The following SMAD7 variants were observed in gnomAD, a reference collection of about 807,000 sequenced individuals.
SMAD7 encodes SMAD family member 7, also known as MAD (mothers against decapentaplegic, Drosophila) homolog 7.
A neutral mutation model predicts 38.7 loss-of-function variants in SMAD7; 8 were observed. The ratio of observed to expected loss-of-function variants is 0.21; its 90% CI spans 0.12 to 0.37. The LOEUF (loss-of-function observed/expected upper bound fraction) is 0.37, where lower values mean the gene tolerates loss of function less well. Among genes scored for constraint, SMAD7 ranks in the 10% least tolerant of loss-of-function variants. The probability of loss-of-function intolerance (pLI) is 1.00; values close to 1 mark genes in which losing one functional copy is unlikely to be tolerated. For synonymous variants in SMAD7, 327 were observed against 265.1 expected (o/e 1.23, Z -2.27); for missense variants, 477 against 577.9 (o/e 0.83, Z 1.79).
chr18:48,944,233 C>G (rs894390061), intron 2 of SMAD7, among the ~76,000 whole-genome samples: 1 of 152,148 alleles, frequency 6.6e-6, no homozygotes, highest in Non-Finnish European at 1.5e-5. Flanking sequence ...ATGGAAGACA[C>G]CCCCACATTA....
chr18:48,950,462 C>T lies in SMAD7; in HGVS notation c.-38G>A. 1 of 1,531,354 alleles carries T rather than the reference C, an allele frequency of 6.5e-7. No homozygotes were observed. Among genetic ancestry groups the T allele is most frequent in the Non-Finnish European group, 8.8e-7 (1 of 1,140,378 alleles). The allele number at this position is 1,531,354 out of a possible 1,614,324, so 94.9% of individuals were successfully genotyped here. On this transcript the variant is annotated 5_prime_UTR_variant, in exon 1 of 4. The change abolishes the stop of an existing upstream ORF in the 5' untranslated region. Transcript: ENST00000262158. ...GGCGAGGAGAAAAGTCGTTTGCCTG[C>T]TAAGGAGCGAACATGACCTCCGCAC...
intron 2 of SMAD7, among the ~76,000 whole-genome samples, chr18:48,948,116 C>T (rs1459184648): frequency 1.3e-5 from 2 of 152,050 alleles, no homozygotes; most frequent in African/African-American, 2.4e-5. Flanking sequence ...CTAAAGCTTC[C>T]ACGTGTTAAA....
chr18:48,950,208 G>A lies in SMAD7; in HGVS notation c.217C>T (p.His73Tyr). Residue 73 changes from histidine (H) to tyrosine (Y), a missense_variant, in exon 1 of 4, where the codon CAC becomes TAC. This residue lies in a region of SMAD7 where 376 missense variants were observed against 379.4 expected (regional missense o/e 0.99). Coordinates refer to ENST00000262158, the MANE Select transcript of SMAD7 (RefSeq NM_005904.4). ...GKAVRGAKGH[H>Y]HPHPPAAGAG... ...CCCGCGGCTGGCGGGTGGGGATGGTGGTGACCTTTGGCACCTCGCACCGCC... is the reference window on the plus strand; with the variant it reads ...CCCGCGGCTGGCGGGTGGGGATGGTAGTGACCTTTGGCACCTCGCACCGCC... The A allele has an allele frequency of 6.7e-7, 1 of 1,497,494 alleles. No individual in the cohort carries two copies. Among genetic ancestry groups the A allele is most frequent in the Non-Finnish European group, 8.9e-7 (1 of 1,128,428 alleles). 92.8% of individuals were successfully genotyped at this position (1,497,494 alleles called of 1,614,324 possible). A position where few individuals can be genotyped will look rare whatever the true frequency, so the allele number is the denominator to read the frequency against.
intron 1 of SMAD7, among the ~76,000 whole-genome samples, chr18:48,948,947 G>A (rs1460218610): frequency 6.6e-6 from 1 of 152,254 alleles, no homozygotes; most frequent in Non-Finnish European, 1.5e-5. Context: ...ATCTGCGGGC[G>A]CCCGGGGTGA....
chr18:48,921,250 A>C lies in SMAD7; in HGVS notation c.*122T>G, dbSNP rs992388714. On this transcript the variant is annotated 3_prime_UTR_variant, in exon 4 of 4. Coordinates refer to ENST00000262158, the MANE Select transcript of SMAD7 (RefSeq NM_005904.4). The surrounding 1 kb of genome is among the most constrained non-coding windows in gnomAD (Gnocchi z 6.4). ...GACGAGAAGAAGAAAACCAACCAAC[A>C]AACAAAAAAAAAACGACCAAAGAGT... The C allele has an allele frequency of 1.8e-5, 16 of 892,244 alleles. No homozygotes were observed. In the African/African-American group the frequency reaches 1.8e-4, roughly 10 times the overall value. 55.3% of individuals were successfully genotyped at this position (892,244 alleles called of 1,614,324 possible). A position where few individuals can be genotyped will look rare whatever the true frequency, so the allele number is the denominator to read the frequency against.
rs777549715 is a variant in SMAD7, at chr18:48,921,962, C to G, written c.743-52G>C. The G allele has an allele frequency of 6.9e-7, 1 of 1,451,056 alleles. No homozygotes were observed. Among genetic ancestry groups the G allele is most frequent in the Admixed American group, 2.1e-5 (1 of 47,944 alleles). The allele number at this position is 1,451,056 out of a possible 1,614,324, so 89.9% of individuals were successfully genotyped here. A position where few individuals can be genotyped will look rare whatever the true frequency, so the allele number is the denominator to read the frequency against. On this transcript the variant is annotated intron_variant, in intron 3 of 3. Coordinates refer to ENST00000262158, the MANE Select transcript of SMAD7 (RefSeq NM_005904.4). This position sits in a 1 kb window ranked among gnomAD's most constrained non-coding sequence, Gnocchi z 6.4. The stretch of plus-strand genomic sequence containing the variant: ...TAGTGGGGACAGGCATTGGTGACTC[C>G]TAGAATGAAGACACCCGCCCCCCCA...
intron 3 of SMAD7, among the ~76,000 whole-genome samples, chr18:48,927,342 C>A (rs1386995594): frequency 6.6e-6 from 1 of 152,008 alleles, no homozygotes; most frequent in Non-Finnish European, 1.5e-5. Flanking sequence ...GCAGCATCTC[C>A]AGTGAAGTGA....
At chr18:48,947,307 A>C (rs1322857105) in intron 2 of SMAD7, among the ~76,000 whole-genome samples, 2 of 152,246 alleles carry the variant, frequency 1.3e-5, no homozygotes, top group Middle Eastern at 3.2e-3. Context: ...GGCTTCGGTT[A>C]CACGTTCATT....
At chr18:48,934,571 T>G (rs922996572) in intron 3 of SMAD7, among the ~76,000 whole-genome samples, 1 of 152,212 alleles carries the variant, frequency 6.6e-6, no homozygotes, top group Non-Finnish European at 1.5e-5. Flanking sequence ...AAGAGCTGCT[T>G]GGCCTTACCA....
At chr18:48,933,388 C>G (rs1005254529) in intron 3 of SMAD7, among the ~76,000 whole-genome samples, 1 of 152,226 alleles carries the variant, frequency 6.6e-6, no homozygotes, top group African/African-American at 2.4e-5. Context: ...TTCAACATCA[C>G]CTTCGGACAA....
chr18:48,949,407 A>G (rs1180631343), intron 1 of SMAD7: 1 of 355,152 alleles, frequency 2.8e-6, no homozygotes, highest in Non-Finnish European at 3.9e-6. Flanking sequence ...GCCTGGACCA[A>G]ATCCAACTCG....
At chr18:48,939,647 G>A (rs2070114239) in intron 3 of SMAD7, among the ~76,000 whole-genome samples, 1 of 148,420 alleles carries the variant, frequency 6.7e-6, no homozygotes, top group Admixed American at 6.9e-5. Context: ...ATCAAGCCCT[G>A]GCTCCTGCTG....
At position 48,950,089 on chromosome 18, in the gene SMAD7, G is replaced by A; in HGVS notation, c.336C>T (p.Leu112=). The change falls in exon 1 of 4, where the codon CTC becomes CTT. Residue 112 remains leucine (L), a synonymous_variant. Transcript: ENST00000262158. ...TCCCGCCGCGGGACTCCACGGCCTGGAGCAGCAGCTCCAGCTGCCGCTCCT... is the reference window on the plus strand; with the variant it reads ...TCCCGCCGCGGGACTCCACGGCCTGAAGCAGCAGCTCCAGCTGCCGCTCCT... The part of the protein sequence containing the change: ...KLKERQLELL[L]QAVESRGGTR... 4 of 1,475,250 alleles carry A rather than the reference G, an allele frequency of 2.7e-6. No individual in the cohort carries two copies. The highest frequency in any genetic ancestry group is 1.3e-5 in the South Asian group (1 of 75,302). 91.4% of individuals were successfully genotyped at this position (1,475,250 alleles called of 1,614,324 possible). A position where few individuals can be genotyped will look rare whatever the true frequency, so the allele number is the denominator to read the frequency against.
intron 3 of SMAD7, among the ~76,000 whole-genome samples, chr18:48,929,944 C>T (rs1044579317): frequency 7.2e-5 from 11 of 152,134 alleles, no homozygotes; most frequent in Non-Finnish European, 1.5e-5. Flanking sequence ...TTTCATTCCT[C>T]CCCTCCCCCG....
chr18:48,948,175 T>C (rs1409683904), intron 2 of SMAD7, among the ~76,000 whole-genome samples: 1 of 152,080 alleles, frequency 6.6e-6, no homozygotes, highest in Admixed American at 6.5e-5. Flanking sequence ...AGGAACAAAA[T>C]GTAAAGCATA....
intron 3 of SMAD7, among the ~76,000 whole-genome samples, chr18:48,931,792 C>T (rs1202982752): frequency 6.6e-6 from 1 of 152,246 alleles, no homozygotes; most frequent in Non-Finnish European, 1.5e-5. Flanking sequence ...GGCTGAGACA[C>T]TCGGCCTCAA....
intron 2 of SMAD7, among the ~76,000 whole-genome samples, chr18:48,945,010 A>G (rs1219299428): frequency 1.3e-5 from 2 of 152,164 alleles, no homozygotes; most frequent in African/African-American, 2.4e-5. Context: ...AAGGTAAAGG[A>G]GCTGGGAGTC....
chr18:48,948,711 G>C (rs2070225634), intron 1 of SMAD7, among the ~76,000 whole-genome samples: 1 of 152,240 alleles, frequency 6.6e-6, no homozygotes, highest in Admixed American at 6.5e-5. Flanking sequence ...GGCCGGAGCC[G>C]CGCACTTCAC....
At chr18:48,928,919 G>A (rs887254844) in intron 3 of SMAD7, among the ~76,000 whole-genome samples, 4 of 152,296 alleles carry the variant, frequency 2.6e-5, no homozygotes, top group Admixed American at 2.6e-4. Flanking sequence ...TGTCTCGCCA[G>A]TCAGGCTGAC....
Sources: gnomAD v4.1 joint callset for allele counts (sites outside exome capture counted in the v4.1 genomes callset) on GRCh38, gnomAD v4.1.1 for gene constraint, gnomAD v4.1.1 regional missense constraint, Gnocchi (gnomAD v3.1) non-coding constraint, MANE v1.5 for transcripts, NCBI Gene and HGNC (gene_info 2026-07-23, HGNC 2026-07-21) for gene names.